The following LINGO2 variants were observed in gnomAD, a reference collection of about 807,000 sequenced individuals.
LINGO2 encodes the protein leucine rich repeat and Ig domain containing 2.
A neutral mutation model predicts 30.6 loss-of-function variants in LINGO2; 14 were observed. The ratio of observed to expected loss-of-function variants is 0.46; its 90% CI spans 0.30 to 0.72. The LOEUF is 0.72. LINGO2 is among the 30% of genes least tolerant of loss of function. The probability of loss-of-function intolerance (pLI) is 0.07; values close to 1 mark genes in which losing one functional copy is unlikely to be tolerated. For synonymous variants in LINGO2, 317 were observed against 288.5 expected, an observed-to-expected ratio of 1.10 and a Z score of -1.00; for missense variants, 729 against 751.7, an observed-to-expected ratio of 0.97 and a Z score of 0.35.
intron 3 of LINGO2, among the ~76,000 whole-genome samples, chr9:28,327,714 CA>C (rs1283075185): frequency 2.0e-5 from 3 of 152,072 alleles, no homozygotes; most frequent in African/African-American, 7.2e-5. Context: ...CTTTGTATGG[CA>C]ATAAAACAGT....
chr9:28,901,917 A>G, the LINGO2 span, among the ~76,000 whole-genome samples: 4 of 152,156 alleles, frequency 2.6e-5, no homozygotes, highest in Non-Finnish European at 5.9e-5. Flanking sequence ...TTGACCAGGA[A>G]CAGTGGCTCC....
intron 1 of LINGO2, among the ~76,000 whole-genome samples, chr9:28,538,794 A>G (rs779435811): frequency 3.3e-5 from 5 of 152,078 alleles, no homozygotes; most frequent in Non-Finnish European, 5.9e-5. Context: ...ACACCTCCCG[A>G]AAGTCCCCAC....
the LINGO2 span, among the ~76,000 whole-genome samples, chr9:28,985,978 T>C: frequency 2.0e-5 from 3 of 152,102 alleles, no homozygotes; most frequent in Non-Finnish European, 4.4e-5. Context: ...TTCTAGTAGT[T>C]TTTACAGATT....
At chr9:28,689,388 T>C in the LINGO2 span, among the ~76,000 whole-genome samples, 1 of 151,656 alleles carries the variant, frequency 6.6e-6, no homozygotes, top group Non-Finnish European at 1.5e-5. Context: ...CATTAACAAG[T>C]GGGCAAAGGA....
At chr9:28,728,416 A>G in the LINGO2 span, among the ~76,000 whole-genome samples, 1 of 152,176 alleles carries the variant, frequency 6.6e-6, no homozygotes, top group South Asian at 2.1e-4. Context: ...AATGAAAAAA[A>G]AGAAAAGGAA....
chr9:28,787,312 ATAT>A, the LINGO2 span, among the ~76,000 whole-genome samples: 1 of 152,188 alleles, frequency 6.6e-6, no homozygotes, highest in Non-Finnish European at 1.5e-5. Flanking sequence ...AACTTGCATG[ATAT>A]TATATTCGAT....
chr9:28,968,269 C>T, the LINGO2 span, among the ~76,000 whole-genome samples: 1 of 152,106 alleles, frequency 6.6e-6, no homozygotes, highest in Non-Finnish European at 1.5e-5. Flanking sequence ...ATTATTAGGA[C>T]ATTTCCCTTT....
At chr9:28,421,053 T>C (rs1823174260) in intron 2 of LINGO2, among the ~76,000 whole-genome samples, 1 of 152,052 alleles carries the variant, frequency 6.6e-6, no homozygotes. Context: ...AGGTAAATAC[T>C]AAATGGCTTT....
chr9:28,541,857 T>C (rs1245578736), intron 1 of LINGO2, among the ~76,000 whole-genome samples: 1 of 152,098 alleles, frequency 6.6e-6, no homozygotes, highest in Non-Finnish European at 1.5e-5. Context: ...AAACTTGGTG[T>C]ATTCTGAAGT....
chr9:28,305,511 G>A (rs1305238717), intron 3 of LINGO2, among the ~76,000 whole-genome samples: 1 of 152,032 alleles, frequency 6.6e-6, no homozygotes, highest in East Asian at 1.9e-4. Context: ...TGTGGATTTA[G>A]TAAGGCTACA....
chr9:28,552,854 T>C (rs901807371), intron 1 of LINGO2, among the ~76,000 whole-genome samples: 1 of 151,772 alleles, frequency 6.6e-6, no homozygotes, highest in African/African-American at 2.4e-5. Flanking sequence ...TCATTGTATT[T>C]TTCCATTTAC....
chr9:28,401,688 C>T (rs1822271998), intron 2 of LINGO2, among the ~76,000 whole-genome samples: 1 of 152,072 alleles, frequency 6.6e-6, no homozygotes, highest in African/African-American at 2.4e-5. Flanking sequence ...ATTTCTGGTT[C>T]TAGGTCCTTG....
chr9:28,391,367 C>T (rs1167316885), intron 2 of LINGO2, among the ~76,000 whole-genome samples: 2 of 152,086 alleles, frequency 1.3e-5, no homozygotes, highest in African/African-American at 4.8e-5. Flanking sequence ...TATCTAAGGG[C>T]TTAGTTATAA....
chr9:28,668,940 T>C (rs1828909586), intron 1 of LINGO2, among the ~76,000 whole-genome samples: 1 of 152,100 alleles, frequency 6.6e-6, no homozygotes, highest in Non-Finnish European at 1.5e-5. Context: ...TGGAGACTCT[T>C]GAAATTATGA....
At chr9:28,803,272 T>C in the LINGO2 span, among the ~76,000 whole-genome samples, 2 of 151,784 alleles carry the variant, frequency 1.3e-5, no homozygotes, top group African/African-American at 2.4e-5. Flanking sequence ...AAAGTCAAAG[T>C]GCATCATAAG....
intron 1 of LINGO2, among the ~76,000 whole-genome samples, chr9:28,577,496 C>T (rs1305341753): frequency 6.6e-6 from 1 of 152,124 alleles, no homozygotes; most frequent in Admixed American, 6.5e-5. Context: ...GTCCACAACA[C>T]TATCTTTAAA....
intron 4 of LINGO2, among the ~76,000 whole-genome samples, chr9:28,152,768 G>A (rs1828035771): frequency 6.6e-6 from 1 of 152,058 alleles, no homozygotes; most frequent in Non-Finnish European, 1.5e-5. Flanking sequence ...CAACATACTA[G>A]GAGCAAACTT....
the LINGO2 span, among the ~76,000 whole-genome samples, chr9:28,757,798 A>T: frequency 6.6e-6 from 1 of 152,024 alleles, no homozygotes; most frequent in South Asian, 2.1e-4. Flanking sequence ...ACACAGTTCA[A>T]GAGGCCACAA....
intron 4 of LINGO2, among the ~76,000 whole-genome samples, chr9:28,230,643 G>GA (rs1416046295): frequency 1.3e-5 from 2 of 151,522 alleles, no homozygotes; most frequent in Non-Finnish European, 3.0e-5. Context: ...TTACATTGTT[G>GA]AAAACCACAA....
Sources: gnomAD v4.1 joint callset for allele counts (sites outside exome capture counted in the v4.1 genomes callset) on GRCh38, gnomAD v4.1.1 for gene constraint, MANE v1.5 for transcripts, NCBI Gene and HGNC (gene_info 2026-07-23, HGNC 2026-07-21) for gene names.